CADM2: variants seen among roughly 807,000 people sequenced by gnomAD.
CADM2 encodes immunoglobulin superfamily member 4D.
CADM2 carries 12 observed loss-of-function variants against 49.8 expected under a neutral mutation model. The ratio of observed to expected loss-of-function variants is 0.24; its 90% CI spans 0.15 to 0.39. The LOEUF is 0.39. Among genes scored for constraint, CADM2 ranks in the 10% least tolerant of loss-of-function variants. The pLI, the probability that CADM2 is intolerant of heterozygous loss-of-function variation, is 1.00. For missense variants in CADM2, 378 were observed against 492.3 expected (o/e 0.77, Z 2.20); for synonymous variants, 214 against 175.4 (o/e 1.22, Z -1.74).
intron 7 of CADM2, among the ~76,000 whole-genome samples, chr3:85,946,431 T>C (rs1331182394): frequency 1.3e-5 from 2 of 151,942 alleles, no homozygotes; most frequent in Non-Finnish European, 2.9e-5. Context: ...AAAAACTACT[T>C]TAAAGTTCAT....
Position 85,252,797 on chromosome 3 carries a change from A to C in CADM2, c.61+293129A>C, listed in dbSNP as rs1339255979. On this transcript the variant is annotated intron_variant, in intron 1 of 9. Coordinates refer to ENST00000383699, the MANE Select transcript of CADM2 (RefSeq NM_001167675.2). ...ATCTACTGTCAGCCTTATCTGCTCT[A>C]TCATTTGCCCTTTCCACTAACCGTG... Among the ~76,000 whole-genome samples the C allele has an allele frequency of 2.0e-5, 3 of 151,896 alleles. No homozygotes were observed. In the East Asian group the frequency reaches 5.8e-4, roughly 29 times the overall value.
At chr3:85,870,573 G>A (rs2075889712) in intron 3 of CADM2, among the ~76,000 whole-genome samples, 1 of 152,078 alleles carries the variant, frequency 6.6e-6, no homozygotes, top group Non-Finnish European at 1.5e-5. Context: ...TCCTGCAAAG[G>A]ACATGATCTT....
At chr3:84,961,271 T>C (rs554266183) in intron 1 of CADM2, among the ~76,000 whole-genome samples, 27 of 152,292 alleles carry the variant, frequency 1.8e-4, no homozygotes, top group African/African-American at 5.5e-4. Flanking sequence ...ATTTTATTTA[T>C]GCATATTTAT....
chr3:85,636,159 G>A (rs991445393), intron 1 of CADM2, among the ~76,000 whole-genome samples: 10 of 152,050 alleles, frequency 6.6e-5, no homozygotes, highest in Non-Finnish European at 1.0e-4. Flanking sequence ...GAAGTATTCC[G>A]GAAGAAGGCA....
chr3:85,884,085 A>C (rs1713210188), intron 4 of CADM2, among the ~76,000 whole-genome samples: 1 of 152,216 alleles, frequency 6.6e-6, no homozygotes, highest in Non-Finnish European at 1.5e-5. Context: ...AAGTGACACA[A>C]AAAAAGCAAT....
intron 7 of CADM2, among the ~76,000 whole-genome samples, chr3:85,948,619 TC>T (rs142058921): frequency 0.033 from 5,058 of 151,444 alleles, 284 homozygotes; most frequent in African/African-American, 0.12. Context: ...GCATTACACA[TC>T]TTTTTTACAC....
chr3:85,954,243 A>C (rs1723780920), intron 7 of CADM2, among the ~76,000 whole-genome samples: 1 of 151,096 alleles, frequency 6.6e-6, no homozygotes, highest in Non-Finnish European at 1.5e-5. Context: ...ATAATTTTTC[A>C]ATAATTAATA....
At chr3:85,012,849 T>C (rs2034060649) in intron 1 of CADM2, among the ~76,000 whole-genome samples, 1 of 151,770 alleles carries the variant, frequency 6.6e-6, no homozygotes, top group Non-Finnish European at 1.5e-5. Context: ...GAGCCAATTA[T>C]CTGCATTGCT....
At chr3:85,108,415 T>C (rs963728980) in intron 1 of CADM2, among the ~76,000 whole-genome samples, 25 of 152,164 alleles carry the variant, frequency 1.6e-4, no homozygotes, top group Admixed American at 1.6e-3. Flanking sequence ...ATCTTGAAGA[T>C]ATTATACTAA....
chr3:85,588,383 C>CATTT (rs2063002694), intron 1 of CADM2, among the ~76,000 whole-genome samples: 1 of 151,938 alleles, frequency 6.6e-6, no homozygotes, highest in Non-Finnish European at 1.5e-5. Context: ...AATACTCACC[C>CATTT]CACATTGACA....
At chr3:85,356,664 C>T (rs1360143391) in intron 1 of CADM2, among the ~76,000 whole-genome samples, 1 of 152,106 alleles carries the variant, frequency 6.6e-6, no homozygotes, top group Admixed American at 6.6e-5. Flanking sequence ...TTTTTGAGCA[C>T]AGATAATAAC....
At chr3:85,653,398 T>A (rs1319425352) in intron 1 of CADM2, among the ~76,000 whole-genome samples, 1 of 149,468 alleles carries the variant, frequency 6.7e-6, no homozygotes, top group Non-Finnish European at 1.5e-5. Flanking sequence ...CTAGGTATAT[T>A]TCTAAAGTAA....
At chr3:85,173,008 T>A (rs966687499) in intron 1 of CADM2, among the ~76,000 whole-genome samples, 1 of 148,464 alleles carries the variant, frequency 6.7e-6, no homozygotes, top group African/African-American at 2.5e-5. Context: ...TTTTTTTTTT[T>A]TTCTGAGATG....
chr3:85,158,856 TAAAATAAA>T (rs1226102428), intron 1 of CADM2, among the ~76,000 whole-genome samples: 1 of 151,690 alleles, frequency 6.6e-6, no homozygotes, highest in African/African-American at 2.4e-5. Flanking sequence ...ATAAATAAAA[TAAAATAAA>T]AAAATAAAAA....
intron 3 of CADM2, among the ~76,000 whole-genome samples, chr3:85,877,693 T>TTC (rs1553701140): frequency 6.8e-6 from 1 of 146,860 alleles, no homozygotes; most frequent in East Asian, 1.9e-4. Context: ...TGTTTTTTTT[T>TTC]TTTTTTTTTT....
chr3:85,402,908 G>A (rs1011143181), intron 1 of CADM2, among the ~76,000 whole-genome samples: 10 of 152,020 alleles, frequency 6.6e-5, no homozygotes, highest in African/African-American at 2.4e-4. Context: ...TATCTTGTGT[G>A]ATGTTAATAT....
intron 1 of CADM2, among the ~76,000 whole-genome samples, chr3:85,579,458 A>G (rs1336967733): frequency 6.6e-6 from 1 of 152,152 alleles, no homozygotes; most frequent in Non-Finnish European, 1.5e-5. Flanking sequence ...CAATTTCAAC[A>G]TGCACAAGGC....
chr3:85,811,860 T>G lies in CADM2; in HGVS notation c.238+9664T>G, dbSNP rs1225156159. Among the ~76,000 whole-genome samples the G allele has an allele frequency of 9.3e-5, 14 of 150,932 alleles. No individual in the cohort carries two copies. In the East Asian group the frequency reaches 2.7e-3, roughly 29 times the overall value. ...GTTTCCTGGAAAATGCCTTGATGTT[T>G]TTTTTTTTTTTTTTTGTGATACTTT... On this transcript the variant is annotated intron_variant, in intron 3 of 9. Transcript: ENST00000383699.
intron 1 of CADM2, among the ~76,000 whole-genome samples, chr3:85,706,562 TC>T (rs1407257938): frequency 1.3e-5 from 2 of 152,214 alleles, no homozygotes; most frequent in African/African-American, 2.4e-5. Flanking sequence ...TGTCCTAATT[TC>T]CCTAGCATAT....
Sources: allele counts gnomAD v4.1 joint callset (sites outside exome capture counted in the v4.1 genomes callset), GRCh38; gene constraint gnomAD v4.1.1; transcripts MANE v1.5; gene names NCBI Gene and HGNC (gene_info 2026-07-23, HGNC 2026-07-21).